Variants in EGF observed in about 807,000 individuals in gnomAD.
EGF encodes the protein epidermal growth factor.
EGF carries 95 observed loss-of-function variants against 143.8 expected under a neutral mutation model. The ratio of observed to expected loss-of-function variants is 0.66; its 90% CI spans 0.56 to 0.78. EGF has a LOEUF of 0.78. Among genes scored for constraint, EGF ranks in the 30% least tolerant of loss-of-function variants. EGF has a pLI of 0.00. For missense variants in EGF, 1,320 were observed against 1,470.9 expected (o/e 0.90, Z 1.68); for synonymous variants, 510 against 510.5 (o/e 1.00, Z 0.01).
chr4:109,994,891 C>T lies in EGF; in HGVS notation c.3005+11C>T. 6.2e-7 allele frequency: 1 copy of T among 1,614,102 alleles called. No individual in the cohort carries two copies. Among genetic ancestry groups the T allele is most frequent in the Non-Finnish European group, 8.5e-7 (1 of 1,179,948 alleles). On this transcript the variant is annotated intron_variant, in intron 20 of 23. Transcript: ENST00000265171. ...CAAGTATGCATGCAAGTAAGTTAAACTGTCTTGCTGATGGCACAGAGAGAT... is the reference window on the plus strand; with the variant it reads ...CAAGTATGCATGCAAGTAAGTTAAATTGTCTTGCTGATGGCACAGAGAGAT...
intron 18 of EGF, among the ~76,000 whole-genome samples, chr4:109,989,765 G>A (rs1004583458): frequency 8.6e-5 from 13 of 152,046 alleles, no homozygotes; most frequent in Non-Finnish European, 1.5e-4. Context: ...GTTTAAACTC[G>A]TTAGGCTCTG....
At chr4:109,966,383 C>A (rs1746594300) in intron 10 of EGF, among the ~76,000 whole-genome samples, 1 of 151,996 alleles carries the variant, frequency 6.6e-6, no homozygotes, top group Non-Finnish European at 1.5e-5. Context: ...TGATTTCATT[C>A]TTTTTTATGA....
chr4:109,913,261 C>G lies in EGF; in HGVS notation c.-75C>G. 1 of 1,597,342 alleles carries G rather than the reference C, an allele frequency of 6.3e-7. No homozygotes were observed. Among genetic ancestry groups the G allele is most frequent in the South Asian group, 1.1e-5 (1 of 90,144 alleles). On this transcript the variant is annotated 5_prime_UTR_variant, in exon 1 of 24. The change creates a new upstream start codon in the 5' untranslated region. Transcript: ENST00000265171. ...TCAGGCAGCCGCATCTGGGGTCAAT[C>G]ATACTCACCTTGCCCGGGCCATGCT...
In EGF at chr4:110,004,215, T is replaced by TACATACACACAC. The variant is rs1553948184; in HGVS notation, c.3174-287_3174-286insTACACACACACA. On this transcript the variant is annotated intron_variant, in intron 21 of 23. Transcript: ENST00000265171. ...TCCCCCCAACATACATGGGCATACA[T>TACATACACACAC]ACACACACACACACACACACACACA... 50 of 357,020 alleles carry TACATACACACAC rather than the reference T, an allele frequency of 1.4e-4. 1 individual carries two copies. The African/African-American group carries it at 1.5e-3, about 10-fold the overall frequency. The allele number at this position is 357,020 out of a possible 1,614,324, so 22.1% of individuals were successfully genotyped here.
intron 10 of EGF, among the ~76,000 whole-genome samples, chr4:109,965,496 C>T (rs1398829576): frequency 6.6e-6 from 1 of 151,980 alleles, no homozygotes; most frequent in African/African-American, 2.4e-5. Flanking sequence ...AGAACAGTTA[C>T]AATAACAGAA....
intron 2 of EGF, among the ~76,000 whole-genome samples, chr4:109,942,330 G>A (rs1340693493): frequency 2.6e-5 from 4 of 152,124 alleles, no homozygotes; most frequent in Admixed American, 2.0e-4. Flanking sequence ...AATTTACCTG[G>A]GTGAGCTAAT....
At chr4:110,002,758 C>T (rs1195945831) in intron 21 of EGF, among the ~76,000 whole-genome samples, 1 of 151,884 alleles carries the variant, frequency 6.6e-6, no homozygotes, top group African/African-American at 2.4e-5. Flanking sequence ...TATTTCATCA[C>T]CCAGGTATTA....
At chr4:109,963,332 GA>G (rs11568954) in intron 9 of EGF, 34 bp downstream of exon 9, 6 of 1,612,596 alleles carry the variant, frequency 3.7e-6, no homozygotes, top group Admixed American at 1.7e-5. Flanking sequence ...CTGTGTCCCT[GA>G]AAAAAAATTC....
At chr4:109,937,408 C>T (rs1161159571) in intron 1 of EGF, among the ~76,000 whole-genome samples, 1 of 150,790 alleles carries the variant, frequency 6.6e-6, no homozygotes, top group Non-Finnish European at 1.5e-5. Context: ...TTCCTCCATC[C>T]CTTTATTTTG....
rs140356571 is a variant in EGF at position 109,917,780 on chromosome 4, C to A, written c.127+4318C>A. On this transcript the variant is annotated intron_variant, in intron 1 of 23. Coordinates refer to ENST00000265171, the MANE Select transcript of EGF (RefSeq NM_001963.6). ...GGATTACAGGCATATGCCACCACACCTGCTAATTTTTGTATTTTTAGTAGA... is the reference window on the plus strand; with the variant it reads ...GGATTACAGGCATATGCCACCACACATGCTAATTTTTGTATTTTTAGTAGA... Among the ~76,000 whole-genome samples, 1,180 of 152,080 alleles carry A rather than the reference C, an allele frequency of 7.8e-3. 13 individuals carry two copies. The highest frequency in any genetic ancestry group is 0.027 in the African/African-American group (1,115 of 41,448).
chr4:110,004,521 T>C lies in EGF; in HGVS notation c.3190T>C (p.Ser1064Pro). Residue 1064 changes from serine (S) to proline (P), a missense_variant, in exon 22 of 24, where the codon TCG becomes CCG. Transcript: ENST00000265171. Reference sequence around the variant, plus strand: ...TTATCACAGGACTCAGAAGCTGCTATCGAAAAACCCAAAGAATCCTTATGA... The same window carrying C: ...TTATCACAGGACTCAGAAGCTGCTACCGAAAAACCCAAAGAATCCTTATGA... The part of the protein sequence containing the change: ...AHYYRTQKLL[S>P]KNPKNPYEES... 6.2e-7 allele frequency: 1 copy of C among 1,614,084 alleles called. No homozygotes were observed. The highest frequency in any genetic ancestry group is 8.5e-7 in the Non-Finnish European group (1 of 1,179,974).
At chr4:109,915,490 G>T (rs1736478327) in intron 1 of EGF, among the ~76,000 whole-genome samples, 1 of 152,194 alleles carries the variant, frequency 6.6e-6, no homozygotes, top group Admixed American at 6.5e-5. Context: ...TCCATGGAGT[G>T]TGGAATGTGT....
At chr4:109,931,365 G>A (rs1295152147) in intron 1 of EGF, among the ~76,000 whole-genome samples, 2 of 152,182 alleles carry the variant, frequency 1.3e-5, no homozygotes, top group Non-Finnish European at 2.9e-5. Context: ...TGTTGACAGT[G>A]TAGGAAAAAT....
Position 109,961,978 on chromosome 4 carries a change from A to G in EGF, c.1305A>G (p.Thr435=), listed in dbSNP as rs1286193490. The G allele has an allele frequency of 3.1e-6, 5 of 1,613,702 alleles. No individual in the cohort carries two copies. The highest frequency in any genetic ancestry group is 4.2e-6 in the Non-Finnish European group (5 of 1,179,762). ...EGSVLERDGK[T]CSGCSSPDNG... The stretch of plus-strand genomic sequence containing the variant: ...CAGTGCTTGAGAGAGATGGGAAAAC[A>G]TGTAGCGGTGAGTTTATTTGCTTTA... The change falls in exon 8 of 24, where the codon ACA becomes ACG. Residue 435 remains threonine, a synonymous_variant. Coordinates refer to ENST00000265171, the MANE Select transcript of EGF (RefSeq NM_001963.6).
At chr4:109,987,474 C>A (rs1459266459) in intron 16 of EGF, among the ~76,000 whole-genome samples, 1 of 152,050 alleles carries the variant, frequency 6.6e-6, no homozygotes, top group Non-Finnish European at 1.5e-5. Context: ...ACCATGTTGC[C>A]CAGGCTGGTC....
chr4:109,957,950 G>A (rs1270101155), intron 5 of EGF, among the ~76,000 whole-genome samples: 1 of 152,072 alleles, frequency 6.6e-6, no homozygotes, highest in African/African-American at 2.4e-5. Context: ...TTTTACAATG[G>A]TGCTATTGTT....
chr4:110,000,707 G>T (rs1305361366), intron 21 of EGF, among the ~76,000 whole-genome samples: 1 of 152,132 alleles, frequency 6.6e-6, no homozygotes, highest in Non-Finnish European at 1.5e-5. Flanking sequence ...CTCATTTTCT[G>T]TTTTCTTAGA....
At chr4:109,917,615 TTTTTTATTTTTA>T (rs957980262) in intron 1 of EGF, among the ~76,000 whole-genome samples, 1 of 152,024 alleles carries the variant, frequency 6.6e-6, no homozygotes, top group African/African-American at 2.4e-5. Context: ...GATCAGTTGG[TTTTTTATTTTTA>T]TTTTTATTTT....
At chr4:109,966,450 G>T (rs1203140584) in intron 10 of EGF, among the ~76,000 whole-genome samples, 2 of 152,042 alleles carry the variant, frequency 1.3e-5, no homozygotes, top group Admixed American at 1.3e-4. Context: ...TCCATTGATG[G>T]ACACTTAGAT....
Sources: allele counts gnomAD v4.1 joint callset (sites outside exome capture counted in the v4.1 genomes callset), GRCh38; gene constraint gnomAD v4.1.1; transcripts MANE v1.5; gene names NCBI Gene and HGNC (gene_info 2026-07-23, HGNC 2026-07-21).